LRP1B: variants seen among roughly 807,000 people sequenced by gnomAD.
LRP1B encodes the protein LDL receptor related protein 1B.
Under a neutral mutation model 556.6 loss-of-function variants are expected in LRP1B, and 217 were observed. The observed-to-expected ratio is 0.39, with a 90% CI of 0.35 to 0.44. The LOEUF (loss-of-function observed/expected upper bound fraction) is 0.44. Among genes scored for constraint, LRP1B ranks in the 20% least tolerant of loss-of-function variants. The probability of loss-of-function intolerance (pLI) is 1.00; values close to 1 mark genes in which losing one functional copy is unlikely to be tolerated. For missense variants in LRP1B, 5,053 were observed against 5,620.8 expected, an observed-to-expected ratio of 0.90 and a Z score of 3.23; for synonymous variants, 2,047 against 1,865.8, an observed-to-expected ratio of 1.10 and a Z score of -2.50.
intron 2 of LRP1B, among the ~76,000 whole-genome samples, chr2:141,672,240 A>T (rs936055095): frequency 6.6e-6 from 1 of 152,082 alleles, no homozygotes; most frequent in Admixed American, 6.6e-5. Context: ...CCTTGAAGAA[A>T]GGAAAGAGAC....
intron 3 of LRP1B, among the ~76,000 whole-genome samples, chr2:141,274,250 T>C (rs1291963671): frequency 1.3e-5 from 2 of 152,178 alleles, no homozygotes; most frequent in Non-Finnish European, 2.9e-5. Context: ...AAAACTTGTA[T>C]ATGAATATTC....
At chr2:142,024,941 G>A (rs76852974) in intron 1 of LRP1B, among the ~76,000 whole-genome samples, 10,648 of 152,154 alleles carry the variant, frequency 0.07, 465 homozygotes, top group East Asian at 0.17. Context: ...TAGTGTTGCT[G>A]TCATAAAGGG....
At chr2:140,913,790 T>A (rs1008686158) in intron 21 of LRP1B, among the ~76,000 whole-genome samples, 2 of 152,088 alleles carry the variant, frequency 1.3e-5, no homozygotes, top group African/African-American at 4.8e-5. Flanking sequence ...GAGTTATAGG[T>A]ACAAATTATC....
chr2:141,348,001 C>T (rs1688313658), intron 3 of LRP1B, among the ~76,000 whole-genome samples: 1 of 152,060 alleles, frequency 6.6e-6, no homozygotes, highest in African/African-American at 2.4e-5. Context: ...AGACCAGGTA[C>T]TGAACATCAA....
intron 3 of LRP1B, among the ~76,000 whole-genome samples, chr2:141,424,812 A>T (rs1310632562): frequency 6.6e-6 from 1 of 152,204 alleles, no homozygotes; most frequent in Non-Finnish European, 1.5e-5. Flanking sequence ...TACTCAATGC[A>T]CATTCCTATG....
intron 21 of LRP1B, among the ~76,000 whole-genome samples, chr2:140,912,110 T>C (rs1400372864): frequency 6.6e-6 from 1 of 151,730 alleles, no homozygotes; most frequent in African/African-American, 2.4e-5. Context: ...TGAAGCTTAA[T>C]TGCTTCTCTC....
At chr2:141,856,526 GA>G (rs1186393191) in intron 1 of LRP1B, among the ~76,000 whole-genome samples, 3 of 152,096 alleles carry the variant, frequency 2.0e-5, no homozygotes, top group Admixed American at 2.0e-4. Flanking sequence ...TGCTACTTCT[GA>G]AAGCTAAACA....
chr2:140,399,534 G>GA lies in LRP1B; in HGVS notation c.10415-13526dup, dbSNP rs201013254. 3.7e-3 allele frequency among the ~76,000 whole-genome samples: 565 copies of GA among 151,308 alleles called. 4 individuals carry two copies. The highest frequency in any genetic ancestry group is 0.013 in the African/African-American group (537 of 41,282). ...CAGTTTATACAGCTTAAAATGCTTA[G>GA]AAAAAAAAATATTGCTTATTGTCTG... On this transcript the variant is annotated intron_variant, in intron 66 of 90. Coordinates refer to ENST00000389484, the MANE Select transcript of LRP1B (RefSeq NM_018557.3).
At chr2:141,103,937 A>C (rs913029290) in intron 7 of LRP1B, among the ~76,000 whole-genome samples, 3 of 152,156 alleles carry the variant, frequency 2.0e-5, no homozygotes, top group African/African-American at 7.2e-5. Flanking sequence ...AAAGGCGTCA[A>C]TTCTATTGAG....
rs533217904 is a variant in LRP1B, at chr2:140,867,738, T to C, written c.4431A>G (p.Leu1477=). ...EYLSHPFAVS[L]YGSEVYWTDW... is the part of the protein sequence containing the mutation. ...CTGTCCAGTAGACTTCACTCCCATATAGAGACACAGCAAAGGGATGGGAAA... is the reference window on the plus strand; with the variant it reads ...CTGTCCAGTAGACTTCACTCCCATACAGAGACACAGCAAAGGGATGGGAAA... Residue 1477 remains leucine (L), a synonymous_variant, in exon 27 of 91, where the codon CTA becomes CTG. Transcript: ENST00000389484. 5.6e-6 allele frequency: 9 copies of C among 1,612,574 alleles called. No homozygotes were observed. Among genetic ancestry groups the C allele is most frequent in the African/African-American group, 1.3e-5 (1 of 74,894 alleles).
chr2:141,759,376 G>C (rs771871141), intron 2 of LRP1B, among the ~76,000 whole-genome samples: 1 of 152,094 alleles, frequency 6.6e-6, no homozygotes, highest in Non-Finnish European at 1.5e-5. Flanking sequence ...TGTGCTATTA[G>C]AATGCAGAGT....
chr2:140,285,684 C>T (rs1683117034), intron 84 of LRP1B, among the ~76,000 whole-genome samples: 2 of 151,860 alleles, frequency 1.3e-5, no homozygotes, highest in African/African-American at 4.8e-5. Flanking sequence ...ACTTTAATTA[C>T]ATTGTTAATA....
chr2:141,171,616 C>T (rs1161519946), intron 7 of LRP1B, among the ~76,000 whole-genome samples: 2 of 152,082 alleles, frequency 1.3e-5, no homozygotes, highest in African/African-American at 4.8e-5. Context: ...AACTTCCAAA[C>T]ATCTCATCAG....
intron 2 of LRP1B, among the ~76,000 whole-genome samples, chr2:141,796,382 C>CATT (rs992572596): frequency 1.3e-5 from 2 of 151,886 alleles, no homozygotes; most frequent in African/African-American, 4.8e-5. Flanking sequence ...ATGAAGGTAT[C>CATT]ATTAATATCT....
At chr2:141,843,508 AG>A (rs1195990384) in intron 1 of LRP1B, among the ~76,000 whole-genome samples, 1 of 152,216 alleles carries the variant, frequency 6.6e-6, no homozygotes, top group African/African-American at 2.4e-5. Flanking sequence ...ATATAACATG[AG>A]GGCACAGCTC....
chr2:142,112,877 G>A (rs530404123), intron 1 of LRP1B, among the ~76,000 whole-genome samples: 11 of 152,142 alleles, frequency 7.2e-5, no homozygotes, highest in African/African-American at 2.6e-4. Flanking sequence ...AATGTGTGTT[G>A]CAATAAAATT....
chr2:142,069,411 C>T (rs115302992), intron 1 of LRP1B, among the ~76,000 whole-genome samples: 7,249 of 151,504 alleles, frequency 0.048, 232 homozygotes, highest in Non-Finnish European at 0.076. Context: ...AGTTCCTCTG[C>T]CTTATACAGG....
chr2:141,072,189 T>C (rs1699665446), intron 7 of LRP1B, among the ~76,000 whole-genome samples: 1 of 152,124 alleles, frequency 6.6e-6, no homozygotes, highest in Non-Finnish European at 1.5e-5. Flanking sequence ...ATACTTTGAA[T>C]GTTCCAGAAT....
At chr2:141,950,099 T>C (rs765638760) in intron 1 of LRP1B, among the ~76,000 whole-genome samples, 3 of 152,200 alleles carry the variant, frequency 2.0e-5, no homozygotes, top group Non-Finnish European at 4.4e-5. Flanking sequence ...AGGTATTACA[T>C]AATCTTTCAA....
Sources: gnomAD v4.1 joint callset for allele counts (sites outside exome capture counted in the v4.1 genomes callset) on GRCh38, gnomAD v4.1.1 for gene constraint, MANE v1.5 for transcripts, NCBI Gene and HGNC (gene_info 2026-07-23, HGNC 2026-07-21) for gene names.